The following WDR72 variants were observed in gnomAD, a reference collection of about 807,000 sequenced individuals.
The protein encoded by WDR72 is WD repeat-containing protein 72.
Under a neutral mutation model 124.2 loss-of-function variants are expected in WDR72, and 120 were observed. The ratio of observed to expected loss-of-function variants is 0.97; its 90% CI spans 0.83 to 1.12. The LOEUF is 1.12. Ranked by LOEUF, WDR72 falls within the 50% of genes most tolerant of loss-of-function variation. The pLI, the probability that WDR72 is intolerant of heterozygous loss-of-function variation, is 0.00. For synonymous variants in WDR72, 452 were observed against 441.7 expected (o/e 1.02, Z -0.29); for missense variants, 1,387 against 1,278.8 (o/e 1.08, Z -1.29).
chr15:53,647,184 T>C (rs935195339), intron 14 of WDR72, among the ~76,000 whole-genome samples: 3 of 152,096 alleles, frequency 2.0e-5, no homozygotes, highest in African/African-American at 7.2e-5. Context: ...GAAATCACAA[T>C]AGTACAGAAC....
chr15:53,535,100 T>G (rs4609779), intron 18 of WDR72, among the ~76,000 whole-genome samples: 23,981 of 152,126 alleles, frequency 0.16, 2,249 homozygotes, highest in Middle Eastern at 0.26. Flanking sequence ...ATAATTCTTG[T>G]GATCTTAATG....
At chr15:53,589,096 C>G (rs1171403500) in intron 18 of WDR72, among the ~76,000 whole-genome samples, 2 of 151,848 alleles carry the variant, frequency 1.3e-5, no homozygotes, top group African/African-American at 4.8e-5. Context: ...GCTCAGGTCT[C>G]TAAAAATATC....
chr15:53,651,286 G>C (rs976065259), intron 14 of WDR72, among the ~76,000 whole-genome samples: 2 of 152,082 alleles, frequency 1.3e-5, no homozygotes, highest in Non-Finnish European at 2.9e-5. Flanking sequence ...GATGTTCTCT[G>C]ACCACCCAGG....
At chr15:53,550,798 T>C (rs1205103039) in intron 18 of WDR72, among the ~76,000 whole-genome samples, 1 of 152,090 alleles carries the variant, frequency 6.6e-6, no homozygotes, top group Non-Finnish European at 1.5e-5. Flanking sequence ...ACCTACTATG[T>C]GAAAGGTCCT....
At chr15:53,589,769 A>T (rs990934093) in intron 18 of WDR72, among the ~76,000 whole-genome samples, 5 of 152,088 alleles carry the variant, frequency 3.3e-5, no homozygotes, top group African/African-American at 1.2e-4. Context: ...AGGAAAAAAG[A>T]TGATGAAATA....
intron 18 of WDR72, among the ~76,000 whole-genome samples, chr15:53,540,604 A>T (rs1893044842): frequency 6.6e-6 from 1 of 151,976 alleles, no homozygotes; most frequent in African/African-American, 2.4e-5. Context: ...AAGAAAGACA[A>T]TGAATTAGAA....
chr15:53,745,764 T>C (rs2018628976), intron 1 of WDR72, among the ~76,000 whole-genome samples: 1 of 152,152 alleles, frequency 6.6e-6, no homozygotes, highest in Non-Finnish European at 1.5e-5. Flanking sequence ...AAAGGAGCCT[T>C]GTAGATCACA....
Position 53,615,887 on chromosome 15 carries a change from C to T in WDR72, c.2319G>A (p.Lys773=). 1 of 1,613,436 alleles carries T rather than the reference C, an allele frequency of 6.2e-7. No individual in the cohort carries two copies. The highest frequency in any genetic ancestry group is 8.5e-7 in the Non-Finnish European group (1 of 1,179,636). The change falls in exon 15 of 20, where the codon AAG becomes AAA. Residue 773 remains lysine, a synonymous_variant. Transcript: ENST00000360509. The part of the protein sequence containing the change: ...NDGIKRQKKM[K]ISKKMQPKPS... ...GCTTAGGCTGCATTTTTTTGGAGAT[C>T]TTCATTTTCTTCTGCCTTTTAATGC...
At chr15:53,696,414 T>G (rs1168723949) in intron 13 of WDR72, among the ~76,000 whole-genome samples, 1 of 152,172 alleles carries the variant, frequency 6.6e-6, no homozygotes, top group African/African-American at 2.4e-5. Context: ...AGTCAGGATC[T>G]AAGAGCCATA....
intron 2 of WDR72, among the ~76,000 whole-genome samples, chr15:53,731,558 A>G (rs2140608266): frequency 6.6e-6 from 1 of 151,804 alleles, no homozygotes; most frequent in African/African-American, 2.4e-5. Flanking sequence ...ATAGTAACAG[A>G]TGTCTCTTCG....
At chr15:53,718,835 A>ACC (rs58570472) in intron 3 of WDR72, among the ~76,000 whole-genome samples, 7 of 150,566 alleles carry the variant, frequency 4.6e-5, no homozygotes, top group African/African-American at 1.7e-4. Context: ...AATTTTAAAA[A>ACC]TCTTAAGAAT....
intron 11 of WDR72, among the ~76,000 whole-genome samples, 172 bp downstream of exon 11, chr15:53,704,816 T>TAAAAA (rs35150329): frequency 7.3e-6 from 1 of 136,162 alleles, no homozygotes; most frequent in Non-Finnish European, 1.5e-5. Flanking sequence ...ACAGGGAGTT[T>TAAAAA]AAAAAAAAAA....
At chr15:53,523,889 A>G (rs74015401) in intron 18 of WDR72, among the ~76,000 whole-genome samples, 7,546 of 152,146 alleles carry the variant, frequency 0.05, 423 homozygotes, top group African/African-American at 0.14. Flanking sequence ...AAGAAGGGCT[A>G]TTGTTTCAAA....
chr15:53,712,915 T>A lies in WDR72; in HGVS notation c.592-24A>T, dbSNP rs770628694. 1.9e-6 allele frequency: 3 copies of A among 1,611,728 alleles called. No homozygotes were observed. The African/African-American group carries it at 4.0e-5, about 22-fold the overall frequency. On this transcript the variant is annotated intron_variant, in intron 6 of 19. Transcript: ENST00000360509. ...TCCTTCAAAAGGAAAGAAAATCTTT[T>A]AGTACTAGTTCCAGGTAATTCATAC... is the stretch of plus-strand genomic sequence containing the variant.
intron 13 of WDR72, among the ~76,000 whole-genome samples, chr15:53,696,913 C>T (rs2017020349): frequency 6.6e-6 from 1 of 152,158 alleles, no homozygotes; most frequent in South Asian, 2.1e-4. Flanking sequence ...TGTTGTAAGG[C>T]TCAAATGAGG....
chr15:53,668,974 GAGGAGAAGGAGA>G (rs58562542), intron 13 of WDR72, among the ~76,000 whole-genome samples: 1 of 112,864 alleles, frequency 8.9e-6, no homozygotes, highest in Non-Finnish European at 1.8e-5. Flanking sequence ...GGAGGAGGAG[GAGGAGAAGGAGA>G]AGGAGGAGGA....
At chr15:53,615,100 G>T (rs1346407274) in intron 15 of WDR72, among the ~76,000 whole-genome samples, 1 of 151,868 alleles carries the variant, frequency 6.6e-6, no homozygotes, top group Non-Finnish European at 1.5e-5. Flanking sequence ...GTCTATGTAT[G>T]TATATGTGTA....
intron 1 of WDR72, among the ~76,000 whole-genome samples, chr15:53,750,500 A>G (rs2018747762): frequency 6.6e-6 from 1 of 152,234 alleles, no homozygotes; most frequent in Admixed American, 6.5e-5. Flanking sequence ...GCTTGCTAAC[A>G]TAATATCCAT....
intron 18 of WDR72, among the ~76,000 whole-genome samples, chr15:53,535,842 T>C (rs1328436832): frequency 6.6e-6 from 1 of 152,164 alleles, no homozygotes; most frequent in Non-Finnish European, 1.5e-5. Flanking sequence ...TGGCCTCCAG[T>C]CAGCCAGCTA....
Sources: allele counts gnomAD v4.1 joint callset (sites outside exome capture counted in the v4.1 genomes callset), GRCh38; gene constraint gnomAD v4.1.1; transcripts MANE v1.5; gene names NCBI Gene and HGNC (gene_info 2026-07-23, HGNC 2026-07-21).